Variants in GFRA1 observed in about 807,000 individuals in gnomAD.
The protein encoded by GFRA1 is GDNF family receptor alpha 1.
Under a neutral mutation model 51.6 loss-of-function variants are expected in GFRA1, and 16 were observed. The observed-to-expected ratio is 0.31, with a 90% confidence interval of 0.21 to 0.47. GFRA1 has a LOEUF of 0.47. Ranked by LOEUF, GFRA1 falls within the 20% of genes least tolerant of loss-of-function variation. The probability of loss-of-function intolerance (pLI) is 1.00; values close to 1 mark genes in which losing one functional copy is unlikely to be tolerated. For missense variants in GFRA1, 530 were observed against 594.3 expected (o/e 0.89, Z 1.13); for synonymous variants, 270 against 241.3 (o/e 1.12, Z -1.10).
At chr10:116,133,466 G>A (rs181429034) in intron 5 of GFRA1, among the ~76,000 whole-genome samples, 128 of 152,272 alleles carry the variant, frequency 8.4e-4, no homozygotes, top group African/African-American at 3.0e-3. Flanking sequence ...TGGATTAGGA[G>A]TGAGGAGCAT....
chr10:116,062,465 GTTGA>G lies in GFRA1; in HGVS notation c.*1929_*1932del, dbSNP rs760647955. 3 of 216,072 alleles carry G rather than the reference GTTGA, an allele frequency of 1.4e-5. No individual in the cohort carries two copies. Among genetic ancestry groups the G allele is most frequent in the Admixed American group, 5.8e-5 (1 of 17,248 alleles). 13.4% of individuals were successfully genotyped at this position (216,072 alleles called of 1,614,324 possible). On this transcript the variant is annotated 3_prime_UTR_variant, in exon 11 of 11. Transcript: ENST00000355422. ...TCAGTACTGAGTACTGTACATTTGTGTTGATTAACATTTGGACACAAATATACTT... is the reference window on the plus strand; with the variant it reads ...TCAGTACTGAGTACTGTACATTTGTGTTAACATTTGGACACAAATATACTT...
chr10:116,254,452 G>C (rs1968661660), intron 4 of GFRA1, among the ~76,000 whole-genome samples: 1 of 151,824 alleles, frequency 6.6e-6, no homozygotes. Context: ...CAGGAGGATT[G>C]CTTGAAACAG....
At chr10:116,232,955 C>A (rs968126003) in intron 4 of GFRA1, among the ~76,000 whole-genome samples, 35 of 152,150 alleles carry the variant, frequency 2.3e-4, no homozygotes, top group Admixed American at 2.0e-4. Flanking sequence ...CTAGTTCAGG[C>A]CAAAGAACAA....
intron 7 of GFRA1, among the ~76,000 whole-genome samples, chr10:116,096,117 G>GA (rs553449756): frequency 1.3e-5 from 2 of 152,054 alleles, no homozygotes; most frequent in South Asian, 2.1e-4. Flanking sequence ...CTGTTTTCAG[G>GA]AAAAAAAATT....
intron 4 of GFRA1, among the ~76,000 whole-genome samples, chr10:116,239,956 A>G (rs955295166): frequency 3.9e-5 from 6 of 152,178 alleles, no homozygotes; most frequent in Non-Finnish European, 8.8e-5. Flanking sequence ...ATCAGACTGA[A>G]AGGTTACAAC....
intron 6 of GFRA1, among the ~76,000 whole-genome samples, chr10:116,114,713 A>G (rs1957342793): frequency 6.6e-6 from 1 of 152,156 alleles, no homozygotes; most frequent in Non-Finnish European, 1.5e-5. Context: ...GTTCTACTTC[A>G]AAGATCTCTC....
rs146375455 is a variant in GFRA1 at position 116,101,701 on chromosome 10, C to T, written c.771-4937G>A. On this transcript the variant is annotated intron_variant, in intron 6 of 10. Coordinates refer to ENST00000355422, the MANE Select transcript of GFRA1 (RefSeq NM_005264.8). ...ACATACCAGTAATGCCCAATTTAAC[C>T]CATCCTGGATTACCATAATCCTTTA... Among the ~76,000 whole-genome samples the T allele has an allele frequency of 3.4e-3, 525 of 152,218 alleles. 5 individuals carry two copies. The highest frequency in any genetic ancestry group is 0.012 in the African/African-American group (499 of 41,526).
intron 8 of GFRA1, among the ~76,000 whole-genome samples, chr10:116,092,403 TGTGTGTGTGC>T (rs375893557): frequency 1.7e-3 from 254 of 152,048 alleles, no homozygotes; most frequent in African/African-American, 3.7e-3. Context: ...AAAGCTTTTG[TGTGTGTGTGC>T]GTGTGTGTGC....
At position 116,244,396 on chromosome 10, in the gene GFRA1, T is replaced by C. The variant is rs540115601; in HGVS notation, c.418+25107A>G. Reference sequence around the variant, plus strand: ...TAAAATTTAATTTTATTTCATTTAATGTTAATAATTAAAATTTAATTTTAT... The same window carrying C: ...TAAAATTTAATTTTATTTCATTTAACGTTAATAATTAAAATTTAATTTTAT... On this transcript the variant is annotated intron_variant, in intron 4 of 10. Coordinates refer to ENST00000355422, the MANE Select transcript of GFRA1 (RefSeq NM_005264.8). Among the ~76,000 whole-genome samples the C allele has an allele frequency of 2.6e-3, 382 of 146,786 alleles. 2 individuals carry two copies. The highest frequency in any genetic ancestry group is 9.1e-3 in the African/African-American group (367 of 40,110).
intron 8 of GFRA1, 130 bp downstream of exon 8, chr10:116,093,572 A>AGCAGGCACAAGGTACAAGAGGT (rs1205647889): frequency 3.8e-5 from 30 of 797,174 alleles, no homozygotes; most frequent in Non-Finnish European, 4.3e-6. Flanking sequence ...AGAGAGAGGA[A>AGCAGGCACAAGGTACAAGAGGT]GCAGGCACAA....
chr10:116,173,536 T>C (rs1259747592), intron 5 of GFRA1, among the ~76,000 whole-genome samples: 1 of 152,208 alleles, frequency 6.6e-6, no homozygotes, highest in Non-Finnish European at 1.5e-5. Context: ...CCATATATGA[T>C]GAAGAGTATA....
chr10:116,092,409 T>C (rs1432557557), intron 8 of GFRA1, among the ~76,000 whole-genome samples: 12 of 151,484 alleles, frequency 7.9e-5, no homozygotes, highest in Non-Finnish European at 1.8e-4. Flanking sequence ...TTTGTGTGTG[T>C]GTGCGTGTGT....
chr10:116,231,888 T>C (rs549578793), intron 4 of GFRA1, among the ~76,000 whole-genome samples: 1 of 152,228 alleles, frequency 6.6e-6, no homozygotes, highest in East Asian at 1.9e-4. Context: ...TCAACTGCAC[T>C]TCCTTCGGCA....
intron 5 of GFRA1, among the ~76,000 whole-genome samples, chr10:116,148,965 G>A (rs1440673253): frequency 6.6e-6 from 1 of 152,130 alleles, no homozygotes; most frequent in Non-Finnish European, 1.5e-5. Context: ...AATAACAAGA[G>A]CACACTGGGT....
intron 9 of GFRA1, among the ~76,000 whole-genome samples, chr10:116,083,423 G>A (rs1486492890): frequency 1.3e-5 from 2 of 152,216 alleles, no homozygotes; most frequent in Non-Finnish European, 2.9e-5. Flanking sequence ...TTAACGGGCC[G>A]CCAAAGCATC....
At chr10:116,089,952 CA>C in intron 8 of GFRA1, 30 bp from the exon 9 acceptor site, 1 of 1,581,180 alleles carries the variant, frequency 6.3e-7, no homozygotes. Context: ...AATCCAATTT[CA>C]AAGTCAAGCA....
At chr10:116,167,410 T>C (rs372211438) in intron 5 of GFRA1, among the ~76,000 whole-genome samples, 21 of 152,240 alleles carry the variant, frequency 1.4e-4, no homozygotes, top group Non-Finnish European at 2.4e-4. Flanking sequence ...TTCTCCTTGA[T>C]GGCGATCCCT....
chr10:116,086,854 G>C (rs1039101077), intron 9 of GFRA1, among the ~76,000 whole-genome samples: 1 of 152,180 alleles, frequency 6.6e-6, no homozygotes, highest in Non-Finnish European at 1.5e-5. Flanking sequence ...GTCTTGCTCT[G>C]TCACCCAGGC....
chr10:116,100,083 G>A (rs567252389), intron 6 of GFRA1, among the ~76,000 whole-genome samples: 1 of 152,286 alleles, frequency 6.6e-6, no homozygotes, highest in South Asian at 2.1e-4. Context: ...TGGTTTCCAA[G>A]AGGCTGTGAT....
Sources: gnomAD v4.1 joint callset for allele counts (sites outside exome capture counted in the v4.1 genomes callset) on GRCh38, gnomAD v4.1.1 for gene constraint, MANE v1.5 for transcripts, NCBI Gene and HGNC (gene_info 2026-07-23, HGNC 2026-07-21) for gene names.